Variants in NPAS2 observed in about 807,000 individuals in gnomAD.
NPAS2 encodes neuronal PAS domain-containing protein 2.
Under a neutral mutation model 107.5 loss-of-function variants are expected in NPAS2, and 23 were observed. That is an observed-to-expected ratio of 0.21 (90% confidence interval 0.15 to 0.30). NPAS2 has a LOEUF of 0.30. NPAS2 is among the 10% of genes least tolerant of loss of function. The pLI, the probability that NPAS2 is intolerant of heterozygous loss-of-function variation, is 1.00. For synonymous variants in NPAS2, 403 were observed against 417.5 expected (o/e 0.97, Z 0.42); for missense variants, 756 against 1,043.3 (o/e 0.72, Z 3.79).
intron 11 of NPAS2, 188 bp from the exon 12 acceptor site, chr2:100,970,802 G>A (rs1676494284): frequency 2.1e-6 from 1 of 479,614 alleles, no homozygotes; most frequent in Non-Finnish European, 3.7e-6. Flanking sequence ...AGTCACTCAG[G>A]TCGAATTTAA....
At chr2:100,839,026 C>T (rs934420518) in intron 1 of NPAS2, among the ~76,000 whole-genome samples, 3 of 152,256 alleles carry the variant, frequency 2.0e-5, no homozygotes, top group South Asian at 2.1e-4. Context: ...TCCTCCGTCT[C>T]TCCCACCCCT....
chr2:100,932,912 G>A lies in NPAS2; in HGVS notation c.184G>A (p.Val62Ile). The change falls in exon 4 of 21, where the codon GTC becomes ATC. Residue 62 changes from valine to isoleucine, a missense_variant and splice_region_variant. Transcript: ENST00000335681. ...VIGFLQKHNE[V>I]SAQTEICDIQ... ...GCTTATTTGTGTCTCTTTTCTAGAA[G>A]TCTCAGCGCAAACGGAAATCTGTGA... 1 of 1,612,566 alleles carries A rather than the reference G, an allele frequency of 6.2e-7. No homozygotes were observed. The highest frequency in any genetic ancestry group is 8.5e-7 in the Non-Finnish European group (1 of 1,178,574).
chr2:100,954,879 T>G (rs1675475771), intron 7 of NPAS2, among the ~76,000 whole-genome samples: 1 of 75,944 alleles, frequency 1.3e-5, no homozygotes, highest in African/African-American at 6.5e-5. Flanking sequence ...TTTTTTTTGT[T>G]TTTTTTTGGT....
intron 1 of NPAS2, among the ~76,000 whole-genome samples, chr2:100,871,335 T>G (rs905442016): frequency 9.9e-5 from 15 of 151,118 alleles, no homozygotes; most frequent in African/African-American, 3.2e-4. Context: ...CCTTGTTTTT[T>G]TTTTTTTTTT....
chr2:100,818,753 C>T (rs1478076850), upstream of NPAS2, among the ~76,000 whole-genome samples: 1 of 152,254 alleles, frequency 6.6e-6, no homozygotes, highest in East Asian at 1.9e-4. Context: ...GACGGAGAGA[C>T]GTCCGGAAAA....
At chr2:100,931,170 G>A (rs980434194) in intron 3 of NPAS2, among the ~76,000 whole-genome samples, 8 of 152,170 alleles carry the variant, frequency 5.3e-5, no homozygotes, top group East Asian at 3.9e-4. Flanking sequence ...GACACTGGAC[G>A]TTTCCCCACA....
chr2:100,952,930 G>A (rs571798645), intron 7 of NPAS2, among the ~76,000 whole-genome samples: 43 of 151,702 alleles, frequency 2.8e-4, no homozygotes, highest in African/African-American at 9.2e-4. Context: ...GAAAGAGTGC[G>A]GAGTGTCTTT....
intron 1 of NPAS2, among the ~76,000 whole-genome samples, chr2:100,904,390 C>T (rs1470636787): frequency 6.6e-6 from 1 of 152,166 alleles, no homozygotes; most frequent in Non-Finnish European, 1.5e-5. Context: ...ATAATTAACT[C>T]GTTATTTGCT....
At chr2:100,853,784 A>G (rs1246531239) in intron 1 of NPAS2, among the ~76,000 whole-genome samples, 2 of 152,096 alleles carry the variant, frequency 1.3e-5, no homozygotes, top group African/African-American at 4.8e-5. Context: ...GCCTTCTGGC[A>G]CACATCTGTT....
At chr2:100,975,625 C>T (rs1573771175) in intron 14 of NPAS2, 58 bp downstream of exon 14, 2 of 1,273,982 alleles carry the variant, frequency 1.6e-6, no homozygotes, top group Non-Finnish European at 2.2e-6. Flanking sequence ...GTGGGGGCTG[C>T]AGAGCCAGGC....
At chr2:100,844,562 C>T (rs569023299) in intron 1 of NPAS2, among the ~76,000 whole-genome samples, 1 of 152,274 alleles carries the variant, frequency 6.6e-6, no homozygotes, top group East Asian at 1.9e-4. Context: ...CACTGATATG[C>T]ATCGACTGCA....
intron 2 of NPAS2, among the ~76,000 whole-genome samples, chr2:100,909,507 A>T (rs1403087237): frequency 6.6e-6 from 1 of 152,172 alleles, no homozygotes; most frequent in Non-Finnish European, 1.5e-5. Flanking sequence ...CTTTTGGAGG[A>T]CTCCAGCCCC....
At chr2:100,899,571 T>C (rs1231183297) in intron 1 of NPAS2, among the ~76,000 whole-genome samples, 2 of 152,216 alleles carry the variant, frequency 1.3e-5, no homozygotes, top group Admixed American at 6.5e-5. Context: ...AAATGCACCA[T>C]ACTAATGTAA....
intron 5 of NPAS2, among the ~76,000 whole-genome samples, chr2:100,944,933 G>C (rs1674796613): frequency 6.6e-6 from 1 of 152,206 alleles, no homozygotes; most frequent in African/African-American, 2.4e-5. Context: ...AGTGGCTTCA[G>C]ATGGAGCCCT....
rs556514645 is a variant in NPAS2 at position 100,959,482 on chromosome 2, A to G, written c.599-4576A>G. On this transcript the variant is annotated intron_variant, in intron 7 of 20. Coordinates refer to ENST00000335681, the MANE Select transcript of NPAS2 (RefSeq NM_002518.4). ...TAGGAACCCAGCCACCTGGCTATTC[A>G]GAACACATTGGGTCAAGCACATTGT... 2.0e-5 allele frequency among the ~76,000 whole-genome samples: 3 copies of G among 152,356 alleles called. No homozygotes were observed. In the East Asian group the frequency reaches 5.8e-4, roughly 29 times the overall value.
intron 3 of NPAS2, among the ~76,000 whole-genome samples, chr2:100,926,359 C>T (rs536729331): frequency 6.6e-5 from 10 of 152,148 alleles, no homozygotes; most frequent in Non-Finnish European, 1.3e-4. Flanking sequence ...AAACTGTTTT[C>T]CAAGGTGGCT....
At chr2:100,963,547 C>T (rs1676039064) in intron 7 of NPAS2, among the ~76,000 whole-genome samples, 1 of 152,068 alleles carries the variant, frequency 6.6e-6, no homozygotes, top group African/African-American at 2.4e-5. Context: ...TACAGGCACA[C>T]ACCACCATGC....
At chr2:100,987,311 C>T (rs1677837541) in intron 16 of NPAS2, 1 of 152,244 alleles carries the variant, frequency 6.6e-6, no homozygotes, top group African/African-American at 2.4e-5. Flanking sequence ...CTCAAATTCT[C>T]TTAAATCTTT....
chr2:100,858,690 T>A (rs879563743), intron 1 of NPAS2, among the ~76,000 whole-genome samples: 8 of 152,224 alleles, frequency 5.3e-5, no homozygotes, highest in Non-Finnish European at 8.8e-5. Context: ...GGTCCCAGTG[T>A]GACTATTATG....
Sources: allele counts gnomAD v4.1 joint callset (sites outside exome capture counted in the v4.1 genomes callset), GRCh38; gene constraint gnomAD v4.1.1; transcripts MANE v1.5; gene names NCBI Gene and HGNC (gene_info 2026-07-23, HGNC 2026-07-21).